RYR2: variants seen among roughly 807,000 people sequenced by gnomAD.
RYR2 encodes the protein cardiac muscle ryanodine receptor-calcium release channel.
Under a neutral mutation model 601.1 loss-of-function variants are expected in RYR2, and 227 were observed. That is an observed-to-expected ratio of 0.38 (90% confidence interval 0.34 to 0.42). The LOEUF (loss-of-function observed/expected upper bound fraction) is 0.42, where lower values mean the gene tolerates loss of function less well. Ranked by LOEUF, RYR2 falls within the 10% of genes least tolerant of loss-of-function variation. RYR2 has a pLI of 1.00. For missense variants in RYR2, 4,646 were observed against 6,156.5 expected (o/e 0.75, Z 8.21); for synonymous variants, 2,223 against 2,175.1 (o/e 1.02, Z -0.61).
At chr1:237,823,654 G>A (rs548850448) in intron 101 of RYR2, among the ~76,000 whole-genome samples, 10 of 152,206 alleles carry the variant, frequency 6.6e-5, no homozygotes, top group Admixed American at 3.3e-4. Flanking sequence ...TCAAAAGCTA[G>A]CAGAAGACAA....
rs774554572 is a variant in RYR2, at chr1:237,828,382, T to G, written c.14592T>G (p.Gly4864=). The G allele has an allele frequency of 6.4e-7, 1 of 1,552,708 alleles. No individual in the cohort carries two copies. Among genetic ancestry groups the G allele is most frequent in the Non-Finnish European group, 8.7e-7 (1 of 1,143,784 alleles). ...VIVILLAIIQ[G]LIIDAFGELR... ...AATTGTGTTTTTATTTAACACCAGGTCTAATTATTGATGCTTTTGGAGAAC... is the reference window on the plus strand; with the variant it reads ...AATTGTGTTTTTATTTAACACCAGGGCTAATTATTGATGCTTTTGGAGAAC... Residue 4864 remains glycine, a splice_region_variant and synonymous_variant, in exon 102 of 105, where the codon GGT becomes GGG. Coordinates refer to ENST00000366574, the MANE Select transcript of RYR2 (RefSeq NM_001035.3).
At chr1:237,072,210 G>A (rs988118644) in intron 1 of RYR2, among the ~76,000 whole-genome samples, 6 of 152,208 alleles carry the variant, frequency 3.9e-5, no homozygotes, top group Non-Finnish European at 8.8e-5. Context: ...ATGCCGCCCC[G>A]GTTGTGCCTC....
chr1:237,381,251 C>CAAAAAAAAA (rs60493059), intron 8 of RYR2, among the ~76,000 whole-genome samples: 12 of 45,762 alleles, frequency 2.6e-4, no homozygotes, highest in African/African-American at 3.4e-4. Flanking sequence ...GACTCCGTCT[C>CAAAAAAAAA]AAAAAAAAAA....
intron 100 of RYR2, among the ~76,000 whole-genome samples, chr1:237,811,820 G>A (rs907247488): frequency 1.3e-5 from 2 of 152,146 alleles, no homozygotes; most frequent in African/African-American, 4.8e-5. Context: ...CCGTTCTGAG[G>A]TGTTTCACAT....
chr1:237,313,020 A>C (rs2149495645), intron 2 of RYR2, among the ~76,000 whole-genome samples: 1 of 150,532 alleles, frequency 6.6e-6, no homozygotes, highest in East Asian at 1.9e-4. Flanking sequence ...ATTTAATATA[A>C]GATATGAAGC....
rs1406545089 is a variant in RYR2, at chr1:237,334,579, G to T, written c.273+3597G>T. Among the ~76,000 whole-genome samples, 5 of 152,182 alleles carry T rather than the reference G, an allele frequency of 3.3e-5. No homozygotes were observed. The South Asian group carries it at 1.0e-3, about 32-fold the overall frequency. ...CCAAGACCTGTCTATCTCAGTAGCT[G>T]CCCACAGAAGCTTTCAGATCTTGAG... On this transcript the variant is annotated intron_variant, in intron 3 of 104. Transcript: ENST00000366574.
At chr1:237,360,846 G>A (rs1699721197) in intron 4 of RYR2, among the ~76,000 whole-genome samples, 1 of 152,124 alleles carries the variant, frequency 6.6e-6, no homozygotes, top group Admixed American at 6.6e-5. Context: ...ATTTTTAGCA[G>A]GGGAATCCTG....
chr1:237,402,021 A>T (rs1357494817), intron 10 of RYR2, among the ~76,000 whole-genome samples: 1 of 152,228 alleles, frequency 6.6e-6, no homozygotes, highest in Non-Finnish European at 1.5e-5. Context: ...ATAGGACTTG[A>T]CTAAAGATCA....
intron 1 of RYR2, among the ~76,000 whole-genome samples, chr1:237,140,485 G>A (rs1673271395): frequency 6.6e-6 from 1 of 152,142 alleles, no homozygotes; most frequent in South Asian, 2.1e-4. Flanking sequence ...TGCCCCAATT[G>A]GGGGTGTCTG....
chr1:237,094,156 T>C (rs1667261144), intron 1 of RYR2, among the ~76,000 whole-genome samples: 1 of 152,216 alleles, frequency 6.6e-6, no homozygotes. Context: ...GAGGTGTTCC[T>C]GGAAAAGGAA....
At chr1:237,366,687 C>G (rs1700223269) in intron 5 of RYR2, among the ~76,000 whole-genome samples, 1 of 136,748 alleles carries the variant, frequency 7.3e-6, no homozygotes, top group Non-Finnish European at 1.6e-5. Flanking sequence ...CACACACACA[C>G]ACACACACAC....
At chr1:237,711,581 A>G (rs1033402187) in intron 70 of RYR2, among the ~76,000 whole-genome samples, 164 bp from the exon 71 acceptor site, 1 of 152,226 alleles carries the variant, frequency 6.6e-6, no homozygotes. Context: ...CTTCTAGCCA[A>G]GTACCCTCAT....
intron 67 of RYR2, among the ~76,000 whole-genome samples, chr1:237,705,783 C>T (rs1319384862): frequency 6.6e-6 from 1 of 152,128 alleles, no homozygotes; most frequent in Non-Finnish European, 1.5e-5. Context: ...TTAGATCCAT[C>T]GTGTTTTAGT....
At chr1:237,099,046 C>T (rs566558762) in intron 1 of RYR2, among the ~76,000 whole-genome samples, 2 of 152,184 alleles carry the variant, frequency 1.3e-5, no homozygotes, top group East Asian at 3.9e-4. Context: ...GCCACCTTCT[C>T]CCGATAAATG....
At chr1:237,187,907 T>C (rs927236812) in intron 1 of RYR2, among the ~76,000 whole-genome samples, 2 of 152,212 alleles carry the variant, frequency 1.3e-5, no homozygotes, top group African/African-American at 4.8e-5. Flanking sequence ...ATTTGCTTTT[T>C]AGTTGTATTG....
intron 32 of RYR2, among the ~76,000 whole-genome samples, chr1:237,593,247 C>T (rs1313822741): frequency 6.6e-6 from 1 of 152,174 alleles, no homozygotes; most frequent in African/African-American, 2.4e-5. Context: ...CACATCTTTT[C>T]TCTCTTTCCT....
intron 3 of RYR2, among the ~76,000 whole-genome samples, chr1:237,345,473 AT>A (rs200886482): frequency 0.013 from 2,033 of 150,812 alleles, 50 homozygotes; most frequent in Middle Eastern, 0.048. Context: ...AAAATAAAAA[AT>A]AAAAAATAAA....
intron 2 of RYR2, among the ~76,000 whole-genome samples, chr1:237,316,227 C>T (rs938840493): frequency 6.6e-5 from 10 of 152,054 alleles, no homozygotes; most frequent in African/African-American, 1.9e-4. Context: ...GGTATTACAG[C>T]TTCTTCTTTA....
intron 54 of RYR2, among the ~76,000 whole-genome samples, chr1:237,658,711 G>A (rs1157889399): frequency 3.3e-5 from 5 of 152,090 alleles, no homozygotes; most frequent in African/African-American, 9.7e-5. Context: ...GGTTTTATAT[G>A]TAGTTCTATA....
Sources: allele counts gnomAD v4.1 joint callset (sites outside exome capture counted in the v4.1 genomes callset), GRCh38; gene constraint gnomAD v4.1.1; transcripts MANE v1.5; gene names NCBI Gene and HGNC (gene_info 2026-07-23, HGNC 2026-07-21).